RBFOX1: variants seen among roughly 807,000 people sequenced by gnomAD.
The protein encoded by RBFOX1 is RNA binding protein fox-1 homolog 1.
In RBFOX1, 8 loss-of-function variants were observed where a neutral mutation model predicts 57.7. The observed-to-expected ratio is 0.14, with a 90% confidence interval of 0.08 to 0.25. The LOEUF is 0.25. Among genes scored for constraint, RBFOX1 ranks in the 10% least tolerant of loss-of-function variants. The pLI, the probability that RBFOX1 is intolerant of heterozygous loss-of-function variation, is 1.00. For synonymous variants in RBFOX1, 326 were observed against 222.4 expected (o/e 1.47, Z -4.15); for missense variants, 611 against 548.5 (o/e 1.11, Z -1.14).
intron 2 of RBFOX1, among the ~76,000 whole-genome samples, chr16:5,587,470 T>C (rs557842624): frequency 3.2e-4 from 49 of 152,318 alleles, no homozygotes; most frequent in African/African-American, 1.1e-3. Context: ...CCCAGCACTT[T>C]GGGAGGCTGA....
intron 5 of RBFOX1, among the ~76,000 whole-genome samples, chr16:7,524,444 A>G (rs990240474): frequency 3.3e-4 from 50 of 152,362 alleles, no homozygotes; most frequent in Admixed American, 2.9e-3. Context: ...GACAGAGCCA[A>G]TACTGTATTA....
chr16:5,492,960 T>A (rs1391173934), intron 2 of RBFOX1, among the ~76,000 whole-genome samples: 1 of 152,260 alleles, frequency 6.6e-6, no homozygotes, highest in East Asian at 1.9e-4. Flanking sequence ...ACACCAAGAT[T>A]TGGCAAACTA....
At chr16:7,628,586 C>A (rs1219295533) in intron 10 of RBFOX1, among the ~76,000 whole-genome samples, 3 of 152,024 alleles carry the variant, frequency 2.0e-5, no homozygotes, top group Non-Finnish European at 2.9e-5. Context: ...GAGGTTAAAC[C>A]ATGGAAAGTA....
intron 1 of RBFOX1, among the ~76,000 whole-genome samples, chr16:6,163,798 A>T (rs1379814306): frequency 6.6e-6 from 1 of 151,942 alleles, no homozygotes; most frequent in Non-Finnish European, 1.5e-5. Flanking sequence ...CTATAGGAAT[A>T]TTTTTTTTGC....
chr16:6,774,521 T>A (rs926979788), intron 3 of RBFOX1, among the ~76,000 whole-genome samples: 23 of 152,192 alleles, frequency 1.5e-4, no homozygotes, highest in African/African-American at 5.5e-4. Flanking sequence ...GTCTTACTTC[T>A]CTATGTTCAG....
intron 4 of RBFOX1, among the ~76,000 whole-genome samples, chr16:7,491,370 G>A (rs1466670090): frequency 1.0e-5 from 1 of 95,846 alleles, no homozygotes; most frequent in Admixed American, 1.3e-4. Context: ...ACTCTTCTTG[G>A]GTTTTGCTTT....
intron 3 of RBFOX1, among the ~76,000 whole-genome samples, chr16:5,667,903 T>C (rs559453665): frequency 6.6e-6 from 1 of 152,270 alleles, no homozygotes; most frequent in South Asian, 2.1e-4. Context: ...GTGGCAAGGA[T>C]GTCTCTGCAA....
chr16:5,901,104 A>G (rs2058295386), intron 4 of RBFOX1, among the ~76,000 whole-genome samples: 1 of 152,116 alleles, frequency 6.6e-6, no homozygotes, highest in Non-Finnish European at 1.5e-5. Flanking sequence ...GTCAGGAGAA[A>G]CGGAGACGCG....
At chr16:6,968,943 G>A (rs2084907301) in intron 3 of RBFOX1, among the ~76,000 whole-genome samples, 2 of 151,950 alleles carry the variant, frequency 1.3e-5, no homozygotes, top group African/African-American at 4.8e-5. Flanking sequence ...GTCCCACAGT[G>A]ACCAGATTAG....
At chr16:7,209,899 T>C (rs946648708) in intron 4 of RBFOX1, among the ~76,000 whole-genome samples, 1 of 152,170 alleles carries the variant, frequency 6.6e-6, no homozygotes, top group Non-Finnish European at 1.5e-5. Flanking sequence ...TGACCCCTAG[T>C]GCAGGGGTTC....
chr16:6,199,858 C>T lies in RBFOX1; in HGVS notation c.-126-117137C>T, dbSNP rs533216133. ...TGCCAACACTCTCAGCCACAGCTAC[C>T]TATCAGAAGGTTATGAAGACTAGAA... On this transcript the variant is annotated intron_variant, in intron 1 of 15. Transcript: ENST00000550418. Among the ~76,000 whole-genome samples, 4 of 152,262 alleles carry T rather than the reference C, an allele frequency of 2.6e-5. No homozygotes were observed. In the East Asian group the frequency reaches 7.7e-4, roughly 29 times the overall value.
At chr16:5,517,873 C>G (rs1034677198) in intron 2 of RBFOX1, among the ~76,000 whole-genome samples, 2 of 151,558 alleles carry the variant, frequency 1.3e-5, no homozygotes, top group African/African-American at 4.9e-5. Context: ...CGTACATATA[C>G]TGGCTTTTAC....
At chr16:6,873,461 T>C (rs1468158050) in intron 3 of RBFOX1, among the ~76,000 whole-genome samples, 6 of 152,188 alleles carry the variant, frequency 3.9e-5, no homozygotes, top group East Asian at 1.9e-4. Context: ...TTTTCAGTTT[T>C]ATGTGTATCT....
upstream of RBFOX1, among the ~76,000 whole-genome samples, chr16:6,015,526 A>G (rs2094988113): frequency 6.6e-6 from 1 of 152,182 alleles, no homozygotes; most frequent in Non-Finnish European, 1.5e-5. Context: ...GGCCTTCCCT[A>G]GCCCATATCT....
At chr16:7,075,717 A>G (rs1472569574) in intron 4 of RBFOX1, among the ~76,000 whole-genome samples, 1 of 152,012 alleles carries the variant, frequency 6.6e-6, no homozygotes, top group East Asian at 1.9e-4. Context: ...AGTAGCTGGG[A>G]CTACAGGTGC....
intron 2 of RBFOX1, among the ~76,000 whole-genome samples, chr16:6,341,537 A>G (rs553921277): frequency 5.4e-4 from 83 of 152,334 alleles, no homozygotes; most frequent in Middle Eastern, 3.4e-3. Flanking sequence ...TGAAAACAAA[A>G]GGATTCCTAA....
intron 3 of RBFOX1, among the ~76,000 whole-genome samples, chr16:6,924,371 A>T (rs1018061316): frequency 1.3e-4 from 20 of 151,804 alleles, no homozygotes; most frequent in Non-Finnish European, 2.5e-4. Flanking sequence ...CGCAAGAGAG[A>T]GGGGAGGAGG....
intron 1 of RBFOX1, among the ~76,000 whole-genome samples, chr16:5,325,261 A>G (rs1290042579): frequency 2.0e-5 from 3 of 151,054 alleles, no homozygotes; most frequent in Non-Finnish European, 4.4e-5. Context: ...CCTTTCCCCA[A>G]CTACTTGTAA....
Position 7,369,286 on chromosome 16 carries a change from T to C in RBFOX1, c.28-148861T>C, listed in dbSNP as rs572451470. On this transcript the variant is annotated intron_variant, in intron 4 of 15. Coordinates refer to ENST00000550418, the MANE Select transcript of RBFOX1 (RefSeq NM_018723.4). ...CAGCTCTCGGGGGCTGACCATGTCT[T>C]CCAGAGGAAGCTCAAAGCCTGTTGT... 1.1e-4 allele frequency among the ~76,000 whole-genome samples: 17 copies of C among 152,132 alleles called. No individual in the cohort carries two copies. In the South Asian group the frequency reaches 3.6e-3, roughly 32 times the overall value.
Sources: allele counts gnomAD v4.1 joint callset (sites outside exome capture counted in the v4.1 genomes callset), GRCh38; gene constraint gnomAD v4.1.1; transcripts MANE v1.5; gene names NCBI Gene and HGNC (gene_info 2026-07-23, HGNC 2026-07-21).